PLEKHM2: variants seen among roughly 807,000 people sequenced by gnomAD.
PLEKHM2 encodes the protein pleckstrin homology and RUN domain containing M2, also known as pleckstrin homology domain-containing family M member 2.
In PLEKHM2, 77 loss-of-function variants were observed where a neutral mutation model predicts 116.3. That is an observed-to-expected ratio of 0.66 (90% CI 0.55 to 0.80). The LOEUF (loss-of-function observed/expected upper bound fraction) is 0.80, where lower values mean the gene tolerates loss of function less well. PLEKHM2 is among the 30% of genes least tolerant of loss of function. The probability of loss-of-function intolerance (pLI) is 0.00; values close to 1 mark genes in which losing one functional copy is unlikely to be tolerated. For missense variants in PLEKHM2, 1,183 were observed against 1,354.9 expected (o/e 0.87, Z 1.99); for synonymous variants, 562 against 571.0 (o/e 0.98, Z 0.22).
intron 1 of PLEKHM2, among the ~76,000 whole-genome samples, chr1:15,707,060 T>C (rs1258175860): frequency 6.6e-6 from 1 of 151,824 alleles, no homozygotes; most frequent in Non-Finnish European, 1.5e-5. Context: ...TGCTAAATAG[T>C]TCAGGCTGTA....
intron 1 of PLEKHM2, among the ~76,000 whole-genome samples, chr1:15,705,100 G>A (rs1641196665): frequency 1.3e-5 from 2 of 151,572 alleles, no homozygotes; most frequent in South Asian, 2.1e-4. Context: ...AGTGGCTGGC[G>A]GCACCCCCCC....
Position 15,727,701 on chromosome 1 carries a change from G to T in PLEKHM2, c.1629G>T (p.Glu543Asp). 6.3e-7 allele frequency: 1 copy of T among 1,594,988 alleles called. No individual in the cohort carries two copies. The highest frequency in any genetic ancestry group is 8.5e-7 in the Non-Finnish European group (1 of 1,171,638). The change falls in exon 9 of 20, where the codon GAG (glutamate) becomes GAT (aspartate). Residue 543 changes from glutamate (E) to aspartate (D), a missense_variant. Physicochemically the swap from Glu to Asp is conservative, Grantham distance 45. Around this residue, in one of 3 missense-constraint regions of PLEKHM2, gnomAD observed 594 missense variants for 720.1 expected, o/e 0.82. Coordinates refer to ENST00000375799, the MANE Select transcript of PLEKHM2 (RefSeq NM_015164.4). The surrounding 1 kb of genome is among the most constrained non-coding windows in gnomAD (Gnocchi z 7.5). ...GGGAGGGGCCTGTGTCTGAGCCAGA[G>T]CCTGGGACCCAGGAGGTTCTCTGCC... ...LVREGPVSEPEPGTQEVLCQL... is the reference protein window; with the variant it reads ...LVREGPVSEPDPGTQEVLCQL...
chr1:15,716,631 A>C (rs1296073502), intron 2 of PLEKHM2, 76 bp from the exon 3 acceptor site: 2 of 1,471,464 alleles, frequency 1.4e-6, no homozygotes, highest in Non-Finnish European at 1.9e-6. Context: ...CCTTGCGCTC[A>C]CTGCTGGACC....
chr1:15,702,125 G>A (rs1457972141), intron 1 of PLEKHM2, among the ~76,000 whole-genome samples: 1 of 152,254 alleles, frequency 6.6e-6, no homozygotes, highest in East Asian at 1.9e-4. Flanking sequence ...ATGTCTGTGA[G>A]ACCAGAGGGG....
chr1:15,684,722 G>T, intron 1 of PLEKHM2, 104 bp downstream of exon 1: 1 of 557,038 alleles, frequency 1.8e-6, no homozygotes, highest in South Asian at 8.4e-5. Context: ...TCCCCTCCGC[G>T]ACCCGGGGGG....
rs748976518 is a variant in PLEKHM2, at chr1:15,733,906, G to T, written c.3032G>T (p.Gly1011Val). ...CAGCGGAGCGACAGTCTCTGCCGCGGCCGAGCCTCCCGAGACCCCTGGTGC... is the reference window on the plus strand; with the variant it reads ...CAGCGGAGCGACAGTCTCTGCCGCGTCCGAGCCTCCCGAGACCCCTGGTGC... ...AWQRSDSLCR[G>V]RASRDPWC is the part of the protein sequence containing the mutation. Residue 1011 changes from glycine to valine, a missense_variant, in exon 20 of 20, where the codon GGC (glycine) becomes GTC (valine). Physicochemically the swap from Gly to Val is moderately radical, Grantham distance 109. Around this residue, in one of 3 missense-constraint regions of PLEKHM2, gnomAD observed 594 missense variants for 720.1 expected, o/e 0.82. Coordinates refer to ENST00000375799, the MANE Select transcript of PLEKHM2 (RefSeq NM_015164.4). 6.2e-6 allele frequency: 10 copies of T among 1,612,708 alleles called. No individual in the cohort carries two copies. In the East Asian group the frequency reaches 1.8e-4, roughly 29 times the overall value.
chr1:15,725,621 C>T (rs1419269517), intron 8 of PLEKHM2, 76 bp downstream of exon 8: 9 of 1,069,800 alleles, frequency 8.4e-6, no homozygotes, highest in Non-Finnish European at 1.2e-5. Flanking sequence ...AGCTGTTCAT[C>T]CAGGGCAGAC....
intron 1 of PLEKHM2, among the ~76,000 whole-genome samples, chr1:15,711,153 G>A (rs1641323492): frequency 6.6e-6 from 1 of 152,104 alleles, no homozygotes; most frequent in African/African-American, 2.4e-5. Flanking sequence ...CTTGAGCCCA[G>A]GAGTTCGAGA....
intron 7 of PLEKHM2, 56 bp from the exon 8 acceptor site, chr1:15,725,261 G>C (rs931408627): frequency 7.6e-7 from 1 of 1,323,812 alleles, no homozygotes; most frequent in East Asian, 2.5e-5. Context: ...TGCTCTGGGG[G>C]TCGGGGACCC....
intron 1 of PLEKHM2, among the ~76,000 whole-genome samples, chr1:15,713,326 G>C (rs949651388): frequency 6.6e-6 from 1 of 151,614 alleles, no homozygotes; most frequent in African/African-American, 2.4e-5. Context: ...GAAAAGAGTT[G>C]GGGGGATACG....
At chr1:15,684,122 C>CCTGGGGTCTGAGGGTGTCT, upstream of PLEKHM2, among the ~76,000 whole-genome samples, 1 of 150,494 alleles carries the variant, frequency 6.6e-6, no homozygotes, top group Non-Finnish European at 1.5e-5. Context: ...CTCTGGCGTC[C>CCTGGGGTCTGAGGGTGTCT]CTGGGGTCTG....
chr1:15,691,363 C>T (rs1447154791), intron 1 of PLEKHM2, among the ~76,000 whole-genome samples: 1 of 152,146 alleles, frequency 6.6e-6, no homozygotes, highest in Non-Finnish European at 1.5e-5. Context: ...TGAGCCACTG[C>T]ACTTGGCCGT....
chr1:15,716,341 C>A lies in PLEKHM2; in HGVS notation c.165C>A (p.Tyr55Ter). 6.3e-7 allele frequency: 1 copy of A among 1,579,646 alleles called. No homozygotes were observed. Among genetic ancestry groups the A allele is most frequent in the Non-Finnish European group, 8.6e-7 (1 of 1,157,880 alleles). Residue 55 changes from tyrosine (Y) to a stop codon, truncating the protein, a stop_gained and splice_region_variant, in exon 2 of 20, where the codon TAC becomes TAA. Transcript: ENST00000375799. LOFTEE classifies it high-confidence loss of function. Reference sequence around the variant, plus strand: ...AGCACCTGGACCACGCCCTGCTGTACGGGTAAGGTGGAGGAAGTTTCCAAA... The same window carrying A: ...AGCACCTGGACCACGCCCTGCTGTAAGGGTAAGGTGGAGGAAGTTTCCAAA... ...LCEHLDHALL[Y>*]GLQDLSSGYW... is the part of the protein sequence containing the mutation.
At position 15,728,556 on chromosome 1, in the gene PLEKHM2, A is replaced by T; in HGVS notation, c.1922-113A>T. 1 of 1,055,348 alleles carries T rather than the reference A, an allele frequency of 9.5e-7. No homozygotes were observed. The highest frequency in any genetic ancestry group is 1.4e-6 in the Non-Finnish European group (1 of 702,476). The allele number at this position is 1,055,348 out of a possible 1,614,324, so 65.4% of individuals were successfully genotyped here. On this transcript the variant is annotated intron_variant, in intron 11 of 19. Coordinates refer to ENST00000375799, the MANE Select transcript of PLEKHM2 (RefSeq NM_015164.4). This position sits in a 1 kb window ranked among gnomAD's most constrained non-coding sequence, Gnocchi z 5.9. Reference sequence around the variant, plus strand: ...TGTGAGCACTCCACGCCATTCTCCTACTGCAGGGCAAGGAGAGGCCCTCTA... The same window carrying T: ...TGTGAGCACTCCACGCCATTCTCCTTCTGCAGGGCAAGGAGAGGCCCTCTA...
intron 1 of PLEKHM2, among the ~76,000 whole-genome samples, chr1:15,687,598 G>T (rs909055084): frequency 6.6e-6 from 1 of 152,124 alleles, no homozygotes; most frequent in African/African-American, 2.4e-5. Flanking sequence ...CCTAAAGGTC[G>T]TTCTACAACA....
intron 1 of PLEKHM2, among the ~76,000 whole-genome samples, chr1:15,686,757 T>C (rs946033460): frequency 3.3e-5 from 5 of 151,570 alleles, no homozygotes; most frequent in African/African-American, 1.2e-4. Flanking sequence ...CACACCATTC[T>C]CCTGCCTCAG....
chr1:15,713,348 C>T (rs1178184447), intron 1 of PLEKHM2, among the ~76,000 whole-genome samples: 2 of 152,100 alleles, frequency 1.3e-5, no homozygotes, highest in South Asian at 4.1e-4. Context: ...GCACACCAAG[C>T]TGTTGGCAAT....
At chr1:15,732,173 C>T in intron 17 of PLEKHM2, 125 bp downstream of exon 17, 1 of 1,012,926 alleles carries the variant, frequency 9.9e-7, no homozygotes, top group Non-Finnish European at 1.5e-6. Flanking sequence ...AGGGGGCAGC[C>T]CAGGAATGGA....
Position 15,721,379 on chromosome 1 carries a change from G to C in PLEKHM2, c.703G>C (p.Asp235His), listed in dbSNP as rs1553160375. Residue 235 changes from aspartate to histidine, a missense_variant, in exon 7 of 20, where the codon GAC becomes CAC. Around this residue, in one of 3 missense-constraint regions of PLEKHM2, gnomAD observed 372 missense variants for 357.2 expected, o/e 1.04. Coordinates refer to ENST00000375799, the MANE Select transcript of PLEKHM2 (RefSeq NM_015164.4). This position sits in a 1 kb window ranked among gnomAD's most constrained non-coding sequence, Gnocchi z 5.1. Reference sequence around the variant, plus strand: ...AGCAGTGCCGTCTGTACCCAGCACAGACTGGGAAGGTGGGCCAGAGTCCGC... The same window carrying C: ...AGCAGTGCCGTCTGTACCCAGCACACACTGGGAAGGTGGGCCAGAGTCCGC... ...FPAVPSVPSTDWEDGDLTDTV... is the reference protein window; with the variant it reads ...FPAVPSVPSTHWEDGDLTDTV... The C allele has an allele frequency of 6.4e-7, 1 of 1,566,720 alleles. No homozygotes were observed. The highest frequency in any genetic ancestry group is 8.7e-7 in the Non-Finnish European group (1 of 1,153,600).
Sources: allele counts gnomAD v4.1 joint callset (sites outside exome capture counted in the v4.1 genomes callset), GRCh38; gene constraint gnomAD v4.1.1; regional missense constraint gnomAD v4.1.1; non-coding constraint Gnocchi (gnomAD v3.1); transcripts MANE v1.5; gene names NCBI Gene and HGNC (gene_info 2026-07-23, HGNC 2026-07-21).